Variants in NUBPL observed in about 807,000 individuals in gnomAD.
NUBPL encodes NUBP iron-sulfur cluster assembly factor, mitochondrial, also known as iron-sulfur cluster transfer protein NUBPL.
NUBPL carries 31 observed loss-of-function variants against 45.7 expected under a neutral mutation model. The observed-to-expected ratio is 0.68, with a 90% confidence interval of 0.51 to 0.92. NUBPL has a LOEUF of 0.92. NUBPL is among the 40% of genes least tolerant of loss of function. The probability of loss-of-function intolerance (pLI) is 0.00; values close to 1 mark genes in which losing one functional copy is unlikely to be tolerated. For synonymous variants in NUBPL, 144 were observed against 140.9 expected (o/e 1.02, Z -0.15); for missense variants, 401 against 398.7 (o/e 1.01, Z -0.05).
At chr14:31,791,903 C>T (rs921582439) in intron 7 of NUBPL, among the ~76,000 whole-genome samples, 5 of 152,040 alleles carry the variant, frequency 3.3e-5, no homozygotes, top group Admixed American at 6.6e-5. Flanking sequence ...GAAATGGTAC[C>T]GCGGCGATTG....
chr14:31,608,329 G>T lies in NUBPL; in HGVS notation c.382+8950G>T, dbSNP rs376133156. ...AGCACTTTGGGAGGCTGAGGCGGGCGGATCACCTGAGGTCAGGAGTTCGAG... is the reference window on the plus strand; with the variant it reads ...AGCACTTTGGGAGGCTGAGGCGGGCTGATCACCTGAGGTCAGGAGTTCGAG... On this transcript the variant is annotated intron_variant, in intron 4 of 10. Coordinates refer to ENST00000281081, the MANE Select transcript of NUBPL (RefSeq NM_025152.3). Among the ~76,000 whole-genome samples, 5 of 152,048 alleles carry T rather than the reference G, an allele frequency of 3.3e-5. No homozygotes were observed. The East Asian group carries it at 9.6e-4, about 29-fold the overall frequency.
Position 31,615,758 on chromosome 14 carries a change from C to A in NUBPL, c.382+16379C>A, listed in dbSNP as rs558072161. Among the ~76,000 whole-genome samples the A allele has an allele frequency of 9.2e-5, 14 of 152,256 alleles. No homozygotes were observed. In the South Asian group the frequency reaches 2.7e-3, roughly 29 times the overall value. On this transcript the variant is annotated intron_variant, in intron 4 of 10. Transcript: ENST00000281081. ...TGTGAACAGTGCTGCAATAAACATACGTGTGCATGTGTCTTTATAGTAGAA... is the reference window on the plus strand; with the variant it reads ...TGTGAACAGTGCTGCAATAAACATAAGTGTGCATGTGTCTTTATAGTAGAA...
At chr14:31,626,487 C>G (rs975395925) in intron 4 of NUBPL, among the ~76,000 whole-genome samples, 8 of 152,168 alleles carry the variant, frequency 5.3e-5, no homozygotes, top group Non-Finnish European at 1.2e-4. Context: ...ATCTCTGTAA[C>G]CTTCCTCTTT....
chr14:31,718,484 A>G (rs893549432), intron 6 of NUBPL, among the ~76,000 whole-genome samples: 4 of 152,206 alleles, frequency 2.6e-5, no homozygotes, highest in African/African-American at 9.7e-5. Context: ...TCATATGGCC[A>G]GAAATGTTGG....
At chr14:31,847,796 C>G (rs1196104587) in intron 9 of NUBPL, among the ~76,000 whole-genome samples, 1 of 152,170 alleles carries the variant, frequency 6.6e-6, no homozygotes, top group Non-Finnish European at 1.5e-5. Flanking sequence ...ATAGCAGCCA[C>G]TACAATACCA....
chr14:31,747,140 C>CT (rs71115028), intron 6 of NUBPL, among the ~76,000 whole-genome samples: 54 of 123,900 alleles, frequency 4.4e-4, no homozygotes, highest in East Asian at 7.5e-4. Context: ...CTGGGCTTTT[C>CT]TTTTTTTTTT....
At chr14:31,688,651 TG>T in intron 6 of NUBPL, among the ~76,000 whole-genome samples, 4 of 101,630 alleles carry the variant, frequency 3.9e-5, no homozygotes, top group African/African-American at 1.8e-4. Flanking sequence ...AACAGGTTTT[TG>T]TTGTTGTTTT....
At chr14:31,590,346 T>A (rs377303097) in intron 3 of NUBPL, among the ~76,000 whole-genome samples, 1 of 152,126 alleles carries the variant, frequency 6.6e-6, no homozygotes, top group African/African-American at 2.4e-5. Context: ...GGAAATTATT[T>A]CCTCCCATCC....
intron 4 of NUBPL, among the ~76,000 whole-genome samples, chr14:31,661,040 A>C (rs1251460144): frequency 6.6e-6 from 1 of 152,344 alleles, no homozygotes; most frequent in East Asian, 1.9e-4. Context: ...CTAGTTTAAC[A>C]ATTAATTTAT....
intron 6 of NUBPL, among the ~76,000 whole-genome samples, chr14:31,757,888 T>A (rs934403954): frequency 1.1e-4 from 17 of 152,154 alleles, no homozygotes; most frequent in African/African-American, 4.1e-4. Context: ...AGAGTACATT[T>A]ATTTTCTTCC....
rs900399635 is a variant in NUBPL, at chr14:31,676,390, C to T, written c.513+2816C>T. Among the ~76,000 whole-genome samples, 12 of 152,094 alleles carry T rather than the reference C, an allele frequency of 7.9e-5. 1 individual carries two copies. Among genetic ancestry groups the T allele is most frequent in the Admixed American group, 7.2e-4 (11 of 15,272 alleles). The stretch of plus-strand genomic sequence containing the variant: ...CTTTTGAAATTCATGTTTATTGTTG[C>T]ATATAATAGTAGTTGGGTCTTCTTT... On this transcript the variant is annotated intron_variant, in intron 6 of 10. Transcript: ENST00000281081.
At chr14:31,691,826 C>T (rs994274855) in intron 6 of NUBPL, among the ~76,000 whole-genome samples, 4 of 152,138 alleles carry the variant, frequency 2.6e-5, no homozygotes, top group Non-Finnish European at 5.9e-5. Flanking sequence ...CCAACCTCTG[C>T]AGCTTCTTCT....
At chr14:31,600,957 C>T (rs2034416981) in intron 4 of NUBPL, among the ~76,000 whole-genome samples, 1 of 151,910 alleles carries the variant, frequency 6.6e-6, no homozygotes, top group African/African-American at 2.4e-5. Flanking sequence ...GATCCAGTTT[C>T]AGCTTTCTAC....
chr14:31,742,652 A>G (rs750604632), intron 6 of NUBPL, among the ~76,000 whole-genome samples: 2 of 152,112 alleles, frequency 1.3e-5, no homozygotes, highest in Admixed American at 1.3e-4. Flanking sequence ...CGCCCAGGCT[A>G]GAGTGCAGTG....
intron 6 of NUBPL, among the ~76,000 whole-genome samples, chr14:31,692,230 CT>C (rs2037110652): frequency 6.6e-6 from 1 of 152,090 alleles, no homozygotes; most frequent in Non-Finnish European, 1.5e-5. Context: ...CAATGAATAA[CT>C]GATAATTTAA....
At chr14:31,816,218 G>C (rs190256338) in intron 7 of NUBPL, among the ~76,000 whole-genome samples, 2 of 152,082 alleles carry the variant, frequency 1.3e-5, no homozygotes, top group East Asian at 3.9e-4. Flanking sequence ...AGAACTTACT[G>C]GTCTATTCAG....
intron 4 of NUBPL, among the ~76,000 whole-genome samples, chr14:31,635,032 T>C (rs1472790933): frequency 1.3e-5 from 2 of 150,124 alleles, no homozygotes; most frequent in Non-Finnish European, 3.0e-5. Context: ...TCTCCCATTT[T>C]GTAGGTTGCC....
chr14:31,834,320 A>G (rs1309470896), intron 8 of NUBPL, among the ~76,000 whole-genome samples: 2 of 151,552 alleles, frequency 1.3e-5, no homozygotes, highest in Non-Finnish European at 2.9e-5. Flanking sequence ...AGCTGGGACT[A>G]CAGGCTCCTG....
chr14:31,859,080 A>AAG lies in NUBPL; in HGVS notation c.898-34_898-33dup, dbSNP rs749308317. ...TTGATGAGTCATTCAATGTCTGCTGAAGAGAAATACAGAACAAATAAGTTT... is the reference window on the plus strand; with the variant it reads ...TTGATGAGTCATTCAATGTCTGCTGAAGAGAGAAATACAGAACAAATAAGTTT... On this transcript the variant is annotated intron_variant, in intron 10 of 10. Coordinates refer to ENST00000281081, the MANE Select transcript of NUBPL (RefSeq NM_025152.3). 34 of 1,586,394 alleles carry AAG rather than the reference A, an allele frequency of 2.1e-5. No individual in the cohort carries two copies. In the South Asian group the frequency reaches 3.7e-4, roughly 17 times the overall value.
Sources: gnomAD v4.1 joint callset for allele counts (sites outside exome capture counted in the v4.1 genomes callset) on GRCh38, gnomAD v4.1.1 for gene constraint, MANE v1.5 for transcripts, NCBI Gene and HGNC (gene_info 2026-07-23, HGNC 2026-07-21) for gene names.